The following PARP12 variants were observed in gnomAD, a reference collection of about 807,000 sequenced individuals.
PARP12 encodes protein mono-ADP-ribosyltransferase PARP12.
In PARP12, 59 loss-of-function variants were observed where a neutral mutation model predicts 72.4. The ratio of observed to expected loss-of-function variants is 0.81; its 90% confidence interval spans 0.66 to 1.01. PARP12 has a LOEUF of 1.01. Among genes scored for constraint, PARP12 ranks in the 50% least tolerant of loss-of-function variants. The probability of loss-of-function intolerance (pLI) is 0.00; values close to 1 mark genes in which losing one functional copy is unlikely to be tolerated. For synonymous variants in PARP12, 403 were observed against 371.4 expected, an observed-to-expected ratio of 1.09 and a Z score of -0.98; for missense variants, 851 against 914.0, an observed-to-expected ratio of 0.93 and a Z score of 0.89.
chr7:140,027,306 T>C lies in PARP12; in HGVS notation c.1598A>G (p.Gln533Arg). ...FYFVQKIERV[Q>R]NLALWEVYQW... The stretch of plus-strand genomic sequence containing the variant: ...GTAGACTTCCCAGAGGGCCAGGTTC[T>C]GTACTCGCTCAATCTTCTGAACAAA... Residue 533 changes from glutamine (Q) to arginine (R), a missense_variant, in exon 10 of 12, where the codon CAG becomes CGG. By Grantham distance (43) the Gln-to-Arg change is conservative. Transcript: ENST00000263549. The C allele has an allele frequency of 1.2e-6, 2 of 1,614,024 alleles. No individual in the cohort carries two copies. The highest frequency in any genetic ancestry group is 1.7e-6 in the Non-Finnish European group (2 of 1,179,954).
Position 140,056,583 on chromosome 7 carries a change from T to G in PARP12, c.760+273A>C, listed in dbSNP as rs972545707. Among the ~76,000 whole-genome samples, 22 of 152,188 alleles carry G rather than the reference T, an allele frequency of 1.4e-4. 1 individual carries two copies. The highest frequency in any genetic ancestry group is 1.0e-3 in the Admixed American group (16 of 15,282). ...GGAGGAGCCAAGTCTCCCATTTCAG[T>G]GCAGACTAGGCCCATCCAGAATTCA... is the stretch of plus-strand genomic sequence containing the variant. On this transcript the variant is annotated intron_variant, in intron 3 of 11. Transcript: ENST00000263549.
intron 1 of PARP12, among the ~76,000 whole-genome samples, chr7:140,061,907 AG>A (rs1265143790): frequency 6.7e-6 from 1 of 149,672 alleles, no homozygotes; most frequent in Non-Finnish European, 1.5e-5. Flanking sequence ...ATTAACAAAT[AG>A]GGCCAACCAA....
At chr7:140,041,515 G>A (rs188097765) in intron 6 of PARP12, 129 bp downstream of exon 6, 42 of 881,802 alleles carry the variant, frequency 4.8e-5, no homozygotes, top group East Asian at 7.5e-5. Context: ...AAGCAAGTGA[G>A]CCACACTGGC....
chr7:140,062,236 C>T (rs530820059), intron 1 of PARP12, among the ~76,000 whole-genome samples: 149 of 152,132 alleles, frequency 9.8e-4, no homozygotes, highest in Admixed American at 2.0e-3. Flanking sequence ...CCTCCCCACC[C>T]CACACGGCCA....
chr7:140,038,304 T>C, intron 6 of PARP12: 2 of 985,356 alleles, frequency 2.0e-6, no homozygotes, highest in Non-Finnish European at 2.4e-6. Context: ...GTTTTCTTTT[T>C]CTGGTCCCTA....
intron 11 of PARP12, among the ~76,000 whole-genome samples, chr7:140,025,899 G>A (rs1815721640): frequency 1.3e-5 from 2 of 152,172 alleles, no homozygotes; most frequent in Admixed American, 1.3e-4. Context: ...ATCAGGGCTG[G>A]GAAGGTATCC....
At chr7:140,029,517 G>A (rs575739087) in intron 8 of PARP12, among the ~76,000 whole-genome samples, 1 of 152,158 alleles carries the variant, frequency 6.6e-6, no homozygotes, top group Non-Finnish European at 1.5e-5. Flanking sequence ...CTGGGAAAAT[G>A]GCACAGTTCA....
At position 140,024,118 on chromosome 7, in the gene PARP12, T is replaced by C. The variant is rs1815628497; in HGVS notation, c.*442A>G. 3 of 281,294 alleles carry C rather than the reference T, an allele frequency of 1.1e-5. No individual in the cohort carries two copies. The highest frequency in any genetic ancestry group is 2.1e-5 in the Non-Finnish European group (3 of 144,568). The allele number at this position is 281,294 out of a possible 1,614,324, so 17.4% of individuals were successfully genotyped here. On this transcript the variant is annotated 3_prime_UTR_variant, in exon 12 of 12. Coordinates refer to ENST00000263549, the MANE Select transcript of PARP12 (RefSeq NM_022750.4). ...TGTCAGAGCAACAGGCAGAAGTGAC[T>C]GTGCCGCCCGTGGGCTGTCATCCAC...
rs138232200 is a variant in PARP12 at position 140,033,673 on chromosome 7, G to A, written c.1421+562C>T. ...AAAGCACAAGAATTTCCCCTCATCT[G>A]CTATAGGAGGTTTCTCTCCTCCCTT... On this transcript the variant is annotated intron_variant, in intron 8 of 11. Coordinates refer to ENST00000263549, the MANE Select transcript of PARP12 (RefSeq NM_022750.4). 1.8e-5 allele frequency: 18 copies of A among 985,422 alleles called. 1 individual carries two copies. The highest frequency in any genetic ancestry group is 5.2e-4 in the Middle Eastern group (1 of 1,914). The allele number at this position is 985,422 out of a possible 1,614,324, so 61.0% of individuals were successfully genotyped here.
intron 4 of PARP12, among the ~76,000 whole-genome samples, chr7:140,048,970 A>C (rs2116623335): frequency 6.6e-6 from 1 of 152,346 alleles, no homozygotes; most frequent in Non-Finnish European, 1.5e-5. Flanking sequence ...TCCTTTGTAC[A>C]TTTTTAATTT....
intron 7 of PARP12, 156 bp from the exon 8 acceptor site, chr7:140,034,487 T>C: frequency 1.8e-6 from 1 of 544,924 alleles, no homozygotes; most frequent in Non-Finnish European, 3.2e-6. Flanking sequence ...ATTTTACACA[T>C]TTCAAATATT....
intron 5 of PARP12, among the ~76,000 whole-genome samples, chr7:140,042,945 C>T (rs545492727): frequency 1.3e-5 from 2 of 152,308 alleles, no homozygotes; most frequent in South Asian, 2.1e-4. Flanking sequence ...CCTGTAATCC[C>T]AGCACTTTGG....
At chr7:140,025,648 G>A in intron 11 of PARP12, 1 of 408,754 alleles carries the variant, frequency 2.4e-6, no homozygotes, top group South Asian at 1.8e-5. Context: ...TAAAACCAAT[G>A]AACGCAGGTA....
chr7:140,035,924 GACA>G (rs1230496221), intron 7 of PARP12, among the ~76,000 whole-genome samples: 28 of 102,242 alleles, frequency 2.7e-4, no homozygotes, highest in African/African-American at 6.9e-4. Flanking sequence ...CAAGGAGGAG[GACA>G]AGGAGGAGGA....
chr7:140,049,806 G>A (rs1816888103), intron 4 of PARP12, among the ~76,000 whole-genome samples: 1 of 152,216 alleles, frequency 6.6e-6, no homozygotes. Flanking sequence ...AGCAGCTGGT[G>A]AGAGCCTAGT....
chr7:140,035,862 GGGAAGA>G (rs1422253486), intron 7 of PARP12, among the ~76,000 whole-genome samples: 4 of 145,146 alleles, frequency 2.8e-5, no homozygotes, highest in Admixed American at 1.4e-4. Context: ...GAGGAGGAGG[GGGAAGA>G]GGAAGAGGAG....
chr7:140,034,563 A>C (rs1816077519), intron 7 of PARP12: 2 of 333,858 alleles, frequency 6.0e-6, no homozygotes, highest in Admixed American at 4.4e-5. Flanking sequence ...AGTAATTGAC[A>C]TATCAATTAC....
rs556880408 is a variant in PARP12, at chr7:140,053,429, G to A, written c.862+1233C>T. Among the ~76,000 whole-genome samples the A allele has an allele frequency of 1.7e-4, 26 of 152,250 alleles. No homozygotes were observed. The South Asian group carries it at 2.9e-3, about 17-fold the overall frequency. On this transcript the variant is annotated intron_variant, in intron 4 of 11. Coordinates refer to ENST00000263549, the MANE Select transcript of PARP12 (RefSeq NM_022750.4). ...AAAGTAGATCAGGGGTTTCCTGGGC[G>A]TGACAAACTAGGGGGTGAGGATTAA...
intron 7 of PARP12, among the ~76,000 whole-genome samples, chr7:140,036,715 G>C (rs140482113): frequency 6.0e-4 from 91 of 152,250 alleles, no homozygotes; most frequent in African/African-American, 1.8e-3. Context: ...ACATTCAGAA[G>C]GACTCAGAGT....
Sources: gnomAD v4.1 joint callset for allele counts (sites outside exome capture counted in the v4.1 genomes callset) on GRCh38, gnomAD v4.1.1 for gene constraint, MANE v1.5 for transcripts, NCBI Gene and HGNC (gene_info 2026-07-23, HGNC 2026-07-21) for gene names.